The following CA13 variants were observed in gnomAD, a reference collection of about 807,000 sequenced individuals.
The protein encoded by CA13 is carbonic anhydrase 13, also known as CA-XIII.
CA13 carries 21 observed loss-of-function variants against 31.5 expected under a neutral mutation model. The observed-to-expected ratio is 0.67, with a 90% confidence interval of 0.47 to 0.96. CA13 has a LOEUF of 0.96. CA13 is among the 40% of genes least tolerant of loss of function. CA13 has a pLI of 0.00. For missense variants in CA13, 315 were observed against 318.9 expected, an observed-to-expected ratio of 0.99 and a Z score of 0.09; for synonymous variants, 117 against 111.4, an observed-to-expected ratio of 1.05 and a Z score of -0.32.
intron 6 of CA13, among the ~76,000 whole-genome samples, chr8:85,277,462 G>A (rs150464727): frequency 1.3e-5 from 2 of 152,020 alleles, no homozygotes; most frequent in Non-Finnish European, 2.9e-5. Context: ...AACAAACTCC[G>A]GACATGCTGC....
chr8:85,249,888 A>G (rs762086630), intron 1 of CA13: 1 of 434,942 alleles, frequency 2.3e-6, no homozygotes. Context: ...CAAAGAAGTG[A>G]AGAGGATTGA....
rs1807619599 is a variant in CA13 at position 85,276,906 on chromosome 8, C to T, written c.670-4324C>T. ...TTATCTAGCTCAAGGTTTGTAAACACACCAATCAGCACCCTGTGTCTAGCT... is the reference window on the plus strand; with the variant it reads ...TTATCTAGCTCAAGGTTTGTAAACATACCAATCAGCACCCTGTGTCTAGCT... On this transcript the variant is annotated intron_variant, in intron 6 of 6. Transcript: ENST00000321764. Among the ~76,000 whole-genome samples the T allele has an allele frequency of 2.6e-5, 4 of 152,066 alleles. No individual in the cohort carries two copies. In the East Asian group the frequency reaches 7.7e-4, roughly 29 times the overall value.
intron 3 of CA13, among the ~76,000 whole-genome samples, chr8:85,265,217 A>G (rs1807440305): frequency 6.6e-6 from 1 of 152,288 alleles, no homozygotes; most frequent in East Asian, 1.9e-4. Flanking sequence ...TTAGAAGGAG[A>G]TCTTGTCTGA....
At chr8:85,250,261 T>C (rs1429773835) in intron 1 of CA13, among the ~76,000 whole-genome samples, 1 of 152,176 alleles carries the variant, frequency 6.6e-6, no homozygotes, top group Non-Finnish European at 1.5e-5. Context: ...CATTGAGTGA[T>C]AGAAGGAAGA....
At chr8:85,278,668 T>A (rs1260958241) in intron 6 of CA13, among the ~76,000 whole-genome samples, 1 of 152,168 alleles carries the variant, frequency 6.6e-6, no homozygotes, top group East Asian at 1.9e-4. Context: ...GGTCGGAGAA[T>A]GGATGGAAAA....
intron 3 of CA13, among the ~76,000 whole-genome samples, chr8:85,260,642 G>C (rs756159813): frequency 3.9e-5 from 6 of 152,150 alleles, no homozygotes; most frequent in Non-Finnish European, 8.8e-5. Context: ...CTGTCCTCAG[G>C]GTAGAGAAAT....
intron 3 of CA13, among the ~76,000 whole-genome samples, chr8:85,261,045 C>T (rs998030802): frequency 1.3e-5 from 2 of 152,266 alleles, no homozygotes; most frequent in Middle Eastern, 3.4e-3. Context: ...TCTTTACCTG[C>T]AGATCAAGGG....
At chr8:85,281,142 G>C in intron 6 of CA13, 88 bp from the exon 7 acceptor site, 1 of 1,478,878 alleles carries the variant, frequency 6.8e-7, no homozygotes, top group South Asian at 1.3e-5. Context: ...TTTGTTCCTG[G>C]TTATAGATAT....
At chr8:85,246,652 ATT>A in intron 1 of CA13, 1 of 367,908 alleles carries the variant, frequency 2.7e-6, no homozygotes, top group South Asian at 2.1e-5. Context: ...AAAGTAAAAC[ATT>A]TTTTCTTGTT....
In CA13 at chr8:85,281,687, A is replaced by ATT. The variant is rs575874659; in HGVS notation, c.*349_*350dup. ...ACAAGCATGCCTGGCTAATTTTTAA[A>ATT]TTTTTTTTTTTTAAGAAATAGGGTC... On this transcript the variant is annotated 3_prime_UTR_variant, in exon 7 of 7. Coordinates refer to ENST00000321764, the MANE Select transcript of CA13 (RefSeq NM_198584.3). 42 of 177,682 alleles carry ATT rather than the reference A, an allele frequency of 2.4e-4. No individual in the cohort carries two copies. Among genetic ancestry groups the ATT allele is most frequent in the Non-Finnish European group, 3.7e-4 (34 of 92,486 alleles). The allele number at this position is 177,682 out of a possible 1,614,324, so 11.0% of individuals were successfully genotyped here. A position where few individuals can be genotyped will look rare whatever the true frequency, so the allele number is the denominator to read the frequency against.
intron 2 of CA13, among the ~76,000 whole-genome samples, chr8:85,251,504 A>G (rs1026842759): frequency 6.6e-6 from 1 of 152,204 alleles, no homozygotes; most frequent in African/African-American, 2.4e-5. Context: ...TTATAACTTC[A>G]CTTAGCATTT....
intron 6 of CA13, among the ~76,000 whole-genome samples, chr8:85,271,083 A>G (rs1405354865): frequency 1.3e-5 from 2 of 152,238 alleles, no homozygotes; most frequent in East Asian, 1.9e-4. Flanking sequence ...TAACAATTCA[A>G]TTTATTAAAA....
At chr8:85,257,298 C>T (rs1457363974) in intron 2 of CA13, among the ~76,000 whole-genome samples, 2 of 152,130 alleles carry the variant, frequency 1.3e-5, no homozygotes, top group East Asian at 1.9e-4. Flanking sequence ...GAATTTGTAT[C>T]CTAATTAGCA....
chr8:85,245,738 C>G lies in CA13; in HGVS notation c.-91C>G. 1 of 1,485,948 alleles carries G rather than the reference C, an allele frequency of 6.7e-7. No individual in the cohort carries two copies. The highest frequency in any genetic ancestry group is 9.4e-7 in the Non-Finnish European group (1 of 1,066,710). The allele number at this position is 1,485,948 out of a possible 1,614,324, so 92.0% of individuals were successfully genotyped here. ...CTGCCGCCGGCGCCCCGCGGTCCCG[C>G]CCTAGCAGGCTCCTTCCCGGGCCCC... is the stretch of plus-strand genomic sequence containing the variant. On this transcript the variant is annotated 5_prime_UTR_variant, in exon 1 of 7. Transcript: ENST00000321764.
chr8:85,251,062 C>T (rs995494154), intron 2 of CA13, 125 bp downstream of exon 2: 22 of 815,612 alleles, frequency 2.7e-5, no homozygotes, highest in South Asian at 7.0e-5. Flanking sequence ...AGTGTAGTGG[C>T]GCGATCTTGG....
chr8:85,248,656 G>T (rs1813773148), intron 1 of CA13, among the ~76,000 whole-genome samples: 1 of 152,072 alleles, frequency 6.6e-6, no homozygotes, highest in South Asian at 2.1e-4. Flanking sequence ...TAAGAGGCAG[G>T]GTACTGAACT....
chr8:85,245,768 C>G lies in CA13; in HGVS notation c.-61C>G. ...GCAGGCTCCTTCCCGGGCCCCTCCC[C>G]GCTCCCTCCTCTTTCTCGCTGCTCA... On this transcript the variant is annotated 5_prime_UTR_variant, in exon 1 of 7. Transcript: ENST00000321764. 1 of 1,594,532 alleles carries G rather than the reference C, an allele frequency of 6.3e-7. No individual in the cohort carries two copies. Among genetic ancestry groups the G allele is most frequent in the Non-Finnish European group, 8.6e-7 (1 of 1,162,698 alleles).
At chr8:85,265,756 T>C (rs1021282285) in intron 3 of CA13, among the ~76,000 whole-genome samples, 1 of 152,256 alleles carries the variant, frequency 6.6e-6, no homozygotes, top group African/African-American at 2.4e-5. Context: ...TTTATACATA[T>C]ATTAAAACAT....
chr8:85,276,450 G>A (rs1807610145), intron 6 of CA13, among the ~76,000 whole-genome samples: 1 of 152,274 alleles, frequency 6.6e-6, no homozygotes, highest in African/African-American at 2.4e-5. Context: ...TCCACCTGCA[G>A]CCCTGGTGCG....
Sources: allele counts gnomAD v4.1 joint callset (sites outside exome capture counted in the v4.1 genomes callset), GRCh38; gene constraint gnomAD v4.1.1; transcripts MANE v1.5; gene names NCBI Gene and HGNC (gene_info 2026-07-23, HGNC 2026-07-21).